Variants in IFNAR1 observed in about 807,000 individuals in gnomAD.
IFNAR1 encodes interferon alpha/beta receptor 1.
IFNAR1 carries 47 observed loss-of-function variants against 62.1 expected under a neutral mutation model. That is an observed-to-expected ratio of 0.76 (90% CI 0.60 to 0.97). The LOEUF is 0.97. Ranked by LOEUF, IFNAR1 falls within the 50% of genes least tolerant of loss-of-function variation. The pLI is 0.00. For missense variants in IFNAR1, 638 were observed against 654.5 expected (o/e 0.97, Z 0.27); for synonymous variants, 219 against 226.9 (o/e 0.97, Z 0.31).
chr21:33,340,590 C>G (rs1322503986), intron 2 of IFNAR1, among the ~76,000 whole-genome samples: 2 of 151,352 alleles, frequency 1.3e-5, no homozygotes, highest in African/African-American at 4.9e-5. Context: ...TCCAAACTTT[C>G]AATAAGGAAG....
intron 1 of IFNAR1, among the ~76,000 whole-genome samples, chr21:33,333,061 T>A (rs1190715609): frequency 6.6e-6 from 1 of 152,238 alleles, no homozygotes; most frequent in African/African-American, 2.4e-5. Context: ...CATTATTATC[T>A]GTTGTCAAAA....
chr21:33,328,498 C>T (rs1328618657), intron 1 of IFNAR1, among the ~76,000 whole-genome samples: 7 of 152,116 alleles, frequency 4.6e-5, no homozygotes, highest in African/African-American at 4.8e-5. Flanking sequence ...TTTTGGTTTA[C>T]GTAACTATCT....
chr21:33,329,173 T>C (rs2083154654), intron 1 of IFNAR1, among the ~76,000 whole-genome samples: 1 of 152,184 alleles, frequency 6.6e-6, no homozygotes, highest in African/African-American at 2.4e-5. Flanking sequence ...CTGTACCCTA[T>C]AACATTTTCT....
At chr21:33,328,432 T>A (rs758929271) in intron 1 of IFNAR1, among the ~76,000 whole-genome samples, 5 of 152,216 alleles carry the variant, frequency 3.3e-5, no homozygotes, top group African/African-American at 1.2e-4. Context: ...AGCTTTGGAA[T>A]GCCCTTGGTC....
chr21:33,349,561 T>C lies in IFNAR1; in HGVS notation c.1143+18T>C, dbSNP rs2083381757. The C allele has an allele frequency of 1.3e-6, 2 of 1,501,668 alleles. No individual in the cohort carries two copies. The highest frequency in any genetic ancestry group is 1.8e-6 in the Non-Finnish European group (2 of 1,100,342). 93.0% of individuals were successfully genotyped at this position (1,501,668 alleles called of 1,614,324 possible). On this transcript the variant is annotated intron_variant, in intron 8 of 10. Transcript: ENST00000270139. ...ATGCTGAGGTAAAAAGACTGTATAG[T>C]ATAATTTTGTAACTTAGAGTTATAA...
At chr21:33,330,946 AGAAG>A (rs1226594408) in intron 1 of IFNAR1, among the ~76,000 whole-genome samples, 1 of 152,208 alleles carries the variant, frequency 6.6e-6, no homozygotes, top group African/African-American at 2.4e-5. Context: ...TTCCCTCCAG[AGAAG>A]GAGCCAACAC....
intron 1 of IFNAR1, among the ~76,000 whole-genome samples, chr21:33,330,927 A>G (rs1271849985): frequency 6.6e-6 from 1 of 152,208 alleles, no homozygotes; most frequent in Non-Finnish European, 1.5e-5. Context: ...TAGAGTCTGC[A>G]CAGCTGTGTT....
chr21:33,328,164 G>GT (rs1348194421), intron 1 of IFNAR1, among the ~76,000 whole-genome samples: 3 of 152,180 alleles, frequency 2.0e-5, no homozygotes, highest in African/African-American at 7.2e-5. Context: ...TATTGTTAGT[G>GT]TATTTTGTGT....
intron 1 of IFNAR1, among the ~76,000 whole-genome samples, chr21:33,331,141 T>G (rs1347958240): frequency 6.6e-6 from 1 of 152,200 alleles, no homozygotes; most frequent in Non-Finnish European, 1.5e-5. Context: ...CACCCTTCCC[T>G]GTGGAGTCAA....
At chr21:33,327,772 C>T (rs17875764) in intron 1 of IFNAR1, among the ~76,000 whole-genome samples, 1 of 152,092 alleles carries the variant, frequency 6.6e-6, no homozygotes, top group Non-Finnish European at 1.5e-5. Flanking sequence ...CCAAGGTGGT[C>T]AAGGTCCAGC....
chr21:33,325,868 T>G (rs528535061), intron 1 of IFNAR1, among the ~76,000 whole-genome samples: 1 of 152,302 alleles, frequency 6.6e-6, no homozygotes, highest in South Asian at 2.1e-4. Context: ...AGTCTTGACT[T>G]TGTTTTGCAC....
intron 1 of IFNAR1, among the ~76,000 whole-genome samples, chr21:33,334,261 C>T (rs538413339): frequency 1.3e-5 from 2 of 152,240 alleles, no homozygotes; most frequent in East Asian, 1.9e-4. Flanking sequence ...CTCTCAGCTT[C>T]GGACAGATCA....
In IFNAR1 at chr21:33,355,720, A is replaced by T. The variant is rs2083441573; in HGVS notation, c.*171A>T. The T allele has an allele frequency of 7.3e-6, 3 of 410,350 alleles. No homozygotes were observed. Among genetic ancestry groups the T allele is most frequent in the Non-Finnish European group, 1.3e-5 (3 of 230,114 alleles). 25.4% of individuals were successfully genotyped at this position (410,350 alleles called of 1,614,324 possible). A position where few individuals can be genotyped will look rare whatever the true frequency, so the allele number is the denominator to read the frequency against. The stretch of plus-strand genomic sequence containing the variant: ...AATACGGGCAAGCTCTTAACTATTT[A>T]AAAATGAAATTACAGGCCCGGGCAC... On this transcript the variant is annotated 3_prime_UTR_variant, in exon 11 of 11. Coordinates refer to ENST00000270139, the MANE Select transcript of IFNAR1 (RefSeq NM_000629.3).
At position 33,355,698 on chromosome 21, in the gene IFNAR1, A is replaced by G. The variant is rs1430443989; in HGVS notation, c.*149A>G. ...TCTTCAGATCATAGGTCCTAAAAATACGGGCAAGCTCTTAACTATTTAAAA... is the reference window on the plus strand; with the variant it reads ...TCTTCAGATCATAGGTCCTAAAAATGCGGGCAAGCTCTTAACTATTTAAAA... On this transcript the variant is annotated 3_prime_UTR_variant, in exon 11 of 11. Transcript: ENST00000270139. 1 of 491,650 alleles carries G rather than the reference A, an allele frequency of 2.0e-6. No individual in the cohort carries two copies. Among genetic ancestry groups the G allele is most frequent in the Non-Finnish European group, 3.6e-6 (1 of 277,280 alleles). 30.5% of individuals were successfully genotyped at this position (491,650 alleles called of 1,614,324 possible). A position where few individuals can be genotyped will look rare whatever the true frequency, so the allele number is the denominator to read the frequency against.
intron 6 of IFNAR1, among the ~76,000 whole-genome samples, chr21:33,347,113 G>C (rs2083355889): frequency 6.8e-6 from 1 of 147,822 alleles, no homozygotes; most frequent in Admixed American, 7.0e-5. Context: ...CAGGAAGGGA[G>C]AGTCTGACCT....
chr21:33,326,444 A>G (rs2083127764), intron 1 of IFNAR1, among the ~76,000 whole-genome samples: 2 of 152,002 alleles, frequency 1.3e-5, no homozygotes, highest in African/African-American at 4.8e-5. Flanking sequence ...ACCTCAAACA[A>G]TCCACTTCAG....
At chr21:33,350,495 A>G (rs1451826965) in intron 8 of IFNAR1, among the ~76,000 whole-genome samples, 5 of 152,106 alleles carry the variant, frequency 3.3e-5, no homozygotes, top group African/African-American at 1.2e-4. Flanking sequence ...ATTGCCCAAA[A>G]AGTTGTTTAG....
At chr21:33,343,471 G>A in intron 4 of IFNAR1, 49 bp downstream of exon 4, 2 of 1,569,214 alleles carry the variant, frequency 1.3e-6, no homozygotes, top group Non-Finnish European at 1.7e-6. Flanking sequence ...GAAAAATTAG[G>A]CGAATTAATC....
At chr21:33,348,862 G>C (rs2083373413) in intron 6 of IFNAR1, among the ~76,000 whole-genome samples, 1 of 152,054 alleles carries the variant, frequency 6.6e-6, no homozygotes, top group Admixed American at 6.6e-5. Flanking sequence ...CTAACTAACA[G>C]ATGTTCTTGC....
Sources: allele counts gnomAD v4.1 joint callset (sites outside exome capture counted in the v4.1 genomes callset), GRCh38; gene constraint gnomAD v4.1.1; transcripts MANE v1.5; gene names NCBI Gene and HGNC (gene_info 2026-07-23, HGNC 2026-07-21).